The following NMT2 variants were observed in gnomAD, a reference collection of about 807,000 sequenced individuals.
The protein encoded by NMT2 is glycylpeptide N-tetradecanoyltransferase 2.
In NMT2, 35 loss-of-function variants were observed where a neutral mutation model predicts 65.4. The ratio of observed to expected loss-of-function variants is 0.54; its 90% CI spans 0.41 to 0.71. The LOEUF is 0.71. Ranked by LOEUF, NMT2 falls within the 30% of genes least tolerant of loss-of-function variation. NMT2 has a pLI of 0.00. For synonymous variants in NMT2, 226 were observed against 231.8 expected, an observed-to-expected ratio of 0.98 and a Z score of 0.23; for missense variants, 489 against 611.3, an observed-to-expected ratio of 0.80 and a Z score of 2.11.
chr10:15,135,768 C>T (rs1014371386), intron 2 of NMT2, among the ~76,000 whole-genome samples: 1 of 150,586 alleles, frequency 6.6e-6, no homozygotes, highest in Non-Finnish European at 1.5e-5. Context: ...CAGGCAGCCA[C>T]GAGCCTTGGG....
In NMT2 at chr10:15,108,188, C is replaced by CTTTT. The variant is rs1201948522; in HGVS notation, c.*1003_*1006dup. ...AGTTAGTCGCGGGTACAGGCTCTTT[C>CTTTT]TTTTTTTTTTTTTTTGAGACGGAGT... is the stretch of plus-strand genomic sequence containing the variant. On this transcript the variant is annotated 3_prime_UTR_variant, in exon 12 of 12. Transcript: ENST00000378165. The CTTTT allele has an allele frequency of 2.2e-6, 2 of 906,826 alleles. No homozygotes were observed. Among genetic ancestry groups the CTTTT allele is most frequent in the Non-Finnish European group, 2.6e-6 (2 of 765,280 alleles). 56.2% of individuals were successfully genotyped at this position (906,826 alleles called of 1,614,324 possible).
At chr10:15,157,925 TAAAAG>T (rs1387211003) in intron 1 of NMT2, among the ~76,000 whole-genome samples, 5 of 152,176 alleles carry the variant, frequency 3.3e-5, no homozygotes, top group Non-Finnish European at 7.4e-5. Flanking sequence ...CAGATAGACT[TAAAAG>T]CTAAGTTTGA....
chr10:15,137,335 T>C (rs1202158449), intron 2 of NMT2, among the ~76,000 whole-genome samples: 1 of 152,102 alleles, frequency 6.6e-6, no homozygotes, highest in Non-Finnish European at 1.5e-5. Flanking sequence ...ATGGCCACAG[T>C]TTTTGTAAGC....
intron 3 of NMT2, among the ~76,000 whole-genome samples, chr10:15,134,988 AAAT>A (rs755995312): frequency 2.0e-5 from 3 of 152,160 alleles, no homozygotes; most frequent in East Asian, 1.9e-4. Flanking sequence ...CCTATCTCAA[AAAT>A]AATAATAATA....
chr10:15,133,209 G>A lies in NMT2; in HGVS notation c.510+36C>T, dbSNP rs377274183. 5.0e-6 allele frequency: 8 copies of A among 1,595,022 alleles called. No homozygotes were observed. The East Asian group carries it at 6.7e-5, about 13-fold the overall frequency. The stretch of plus-strand genomic sequence containing the variant: ...ATCAACTTAGAAGCAATGTGTGAAT[G>A]CAGGAGTTGAATTTAAGAGGTTTTT... On this transcript the variant is annotated intron_variant, in intron 4 of 11. Transcript: ENST00000378165.
chr10:15,155,535 GTTTTTTTTT>G (rs71390015), intron 1 of NMT2, among the ~76,000 whole-genome samples: 1 of 59,336 alleles, frequency 1.7e-5, no homozygotes, highest in Non-Finnish European at 2.9e-5. Context: ...TGCCGGGCTA[GTTTTTTTTT>G]TTTTTTTTTT....
At position 15,125,855 on chromosome 10, in the gene NMT2, T is replaced by C. The variant is rs553900540; in HGVS notation, c.999+2495A>G. On this transcript the variant is annotated intron_variant, in intron 8 of 11. Coordinates refer to ENST00000378165, the MANE Select transcript of NMT2 (RefSeq NM_004808.3). Reference sequence around the variant, plus strand: ...CTAATTTTTTAATTTTTAGTAGAGATGGGGTTTCACCATGTTGGCCAGGGT... The same window carrying C: ...CTAATTTTTTAATTTTTAGTAGAGACGGGGTTTCACCATGTTGGCCAGGGT... 1.8e-4 allele frequency among the ~76,000 whole-genome samples: 28 copies of C among 152,118 alleles called. 1 individual carries two copies. Among genetic ancestry groups the C allele is most frequent in the African/African-American group, 6.3e-4 (26 of 41,528 alleles).
chr10:15,136,415 G>T (rs1846506398), intron 2 of NMT2, among the ~76,000 whole-genome samples: 1 of 141,226 alleles, frequency 7.1e-6, no homozygotes, highest in East Asian at 2.3e-4. Flanking sequence ...GACAGAGAGG[G>T]AGAGGGAGGA....
chr10:15,122,933 T>TAA (rs200230286), intron 8 of NMT2, among the ~76,000 whole-genome samples: 11,170 of 146,400 alleles, frequency 0.076, 672 homozygotes, highest in African/African-American at 0.17. Context: ...TGAAAATAGT[T>TAA]AAAAAAAAAA....
intron 8 of NMT2, among the ~76,000 whole-genome samples, chr10:15,126,199 C>T (rs1423480507): frequency 3.3e-5 from 5 of 151,096 alleles, no homozygotes; most frequent in African/African-American, 4.8e-5. Flanking sequence ...GAGGCTGAGG[C>T]GGGTGGATCA....
rs979052648 is a variant in NMT2 at position 15,133,396 on chromosome 10, C to G, written c.392-33G>C. ...GGGAGAGAAAGAGAAAAAAGAAAGG[C>G]AAAAAGCGAGAATATTAAATGACAA... On this transcript the variant is annotated intron_variant, in intron 3 of 11. Coordinates refer to ENST00000378165, the MANE Select transcript of NMT2 (RefSeq NM_004808.3). 4.0e-6 allele frequency: 6 copies of G among 1,495,454 alleles called. No homozygotes were observed. The African/African-American group carries it at 5.5e-5, about 14-fold the overall frequency. 92.6% of individuals were successfully genotyped at this position (1,495,454 alleles called of 1,614,324 possible). A position where few individuals can be genotyped will look rare whatever the true frequency, so the allele number is the denominator to read the frequency against.
intron 1 of NMT2, among the ~76,000 whole-genome samples, chr10:15,161,502 C>T (rs1011929407): frequency 1.3e-5 from 2 of 152,062 alleles, no homozygotes; most frequent in Non-Finnish European, 2.9e-5. Flanking sequence ...ATTACATACG[C>T]CCGCCACCAC....
intron 1 of NMT2, among the ~76,000 whole-genome samples, chr10:15,151,122 A>G (rs1832787814): frequency 1.3e-5 from 2 of 148,854 alleles, no homozygotes; most frequent in African/African-American, 2.5e-5. Flanking sequence ...GCAATGGTGC[A>G]ATCTCGGATC....
chr10:15,129,319 A>C (rs976057009), intron 7 of NMT2, among the ~76,000 whole-genome samples: 1 of 152,130 alleles, frequency 6.6e-6, no homozygotes, highest in African/African-American at 2.4e-5. Context: ...ATCCTATTTG[A>C]GTCAATAAAA....
chr10:15,162,451 T>G (rs1833231881), intron 1 of NMT2, among the ~76,000 whole-genome samples: 1 of 152,072 alleles, frequency 6.6e-6, no homozygotes, highest in South Asian at 2.1e-4. Context: ...CTATTTAAAT[T>G]TAAATTAATT....
chr10:15,125,181 G>T (rs555732573), intron 8 of NMT2, among the ~76,000 whole-genome samples: 4 of 152,278 alleles, frequency 2.6e-5, no homozygotes, highest in African/African-American at 9.6e-5. Flanking sequence ...AACTTCAAAA[G>T]GTTGCTGTGA....
intron 1 of NMT2, among the ~76,000 whole-genome samples, chr10:15,153,967 T>C (rs1052595037): frequency 1.1e-4 from 16 of 152,188 alleles, no homozygotes; most frequent in Non-Finnish European, 2.2e-4. Context: ...ACAGACGTTT[T>C]ATTAGTTAGT....
intron 1 of NMT2, among the ~76,000 whole-genome samples, chr10:15,146,674 C>T (rs1285690922): frequency 1.3e-5 from 2 of 152,196 alleles, no homozygotes; most frequent in Admixed American, 6.5e-5. Flanking sequence ...CCCTCACCAT[C>T]GTCAGAACAT....
chr10:15,130,703 C>CAAAAAAAAAA (rs974360507), intron 6 of NMT2, among the ~76,000 whole-genome samples: 8 of 28,570 alleles, frequency 2.8e-4, no homozygotes, highest in South Asian at 2.0e-3. Context: ...GGCCCTGTCT[C>CAAAAAAAAAA]AAAAAAAAAA....
Sources: gnomAD v4.1 joint callset for allele counts (sites outside exome capture counted in the v4.1 genomes callset) on GRCh38, gnomAD v4.1.1 for gene constraint, MANE v1.5 for transcripts, NCBI Gene and HGNC (gene_info 2026-07-23, HGNC 2026-07-21) for gene names.